The following MAP3K20 variants were observed in gnomAD, a reference collection of about 807,000 sequenced individuals.
MAP3K20 encodes the protein HCCS-4.
Under a neutral mutation model 85.7 loss-of-function variants are expected in MAP3K20, and 40 were observed. The ratio of observed to expected loss-of-function variants is 0.47; its 90% confidence interval spans 0.36 to 0.61. MAP3K20 has a LOEUF of 0.61. MAP3K20 is among the 20% of genes least tolerant of loss of function. The probability of loss-of-function intolerance (pLI) is 0.00; values close to 1 mark genes in which losing one functional copy is unlikely to be tolerated. For synonymous variants in MAP3K20, 325 were observed against 327.7 expected, an observed-to-expected ratio of 0.99 and a Z score of 0.09; for missense variants, 817 against 961.7, an observed-to-expected ratio of 0.85 and a Z score of 1.99.
At chr2:173,121,577 C>T (rs12615166) in intron 2 of MAP3K20, among the ~76,000 whole-genome samples, 38,713 of 151,680 alleles carry the variant, frequency 0.26, 6,093 homozygotes, top group Non-Finnish European at 0.35. Context: ...TTAGTAGAGA[C>T]GGGGTTTCAC....
intron 2 of MAP3K20, among the ~76,000 whole-genome samples, chr2:173,131,398 G>A (rs1243940978): frequency 6.6e-6 from 1 of 152,206 alleles, no homozygotes; most frequent in African/African-American, 2.4e-5. Context: ...GATAGGGAAA[G>A]AGTTGCTTAG....
chr2:173,188,491 A>G (rs3754741), intron 5 of MAP3K20, among the ~76,000 whole-genome samples: 46,844 of 152,068 alleles, frequency 0.31, 9,019 homozygotes, highest in Non-Finnish European at 0.43. Context: ...AGTATATGCT[A>G]ATAGTGTGAT....
chr2:173,118,266 C>G (rs1221943205), intron 2 of MAP3K20, among the ~76,000 whole-genome samples: 3 of 152,092 alleles, frequency 2.0e-5, no homozygotes, highest in Non-Finnish European at 4.4e-5. Flanking sequence ...ATAGATGTGT[C>G]AGAAAGAATG....
At chr2:173,236,205 C>A (rs1347858725) in intron 14 of MAP3K20, among the ~76,000 whole-genome samples, 2 of 139,316 alleles carry the variant, frequency 1.4e-5, no homozygotes, top group Non-Finnish European at 3.0e-5. Flanking sequence ...GAGGTTGAGG[C>A]TGCCATGAAC....
Position 173,154,474 on chromosome 2 carries a change from G to A in MAP3K20, c.160-15331G>A, listed in dbSNP as rs142338792. Among the ~76,000 whole-genome samples, 1,049 of 152,206 alleles carry A rather than the reference G, an allele frequency of 6.9e-3. 24 individuals are homozygous for A. The highest frequency in any genetic ancestry group is 0.045 in the Admixed American group (692 of 15,288). On this transcript the variant is annotated intron_variant, in intron 2 of 19. Coordinates refer to ENST00000375213, the MANE Select transcript of MAP3K20 (RefSeq NM_016653.3). ...GCTGGTATTATAGGCATGAGCCACC[G>A]TGCCCAGCCTAATCCATTCTTCATG... is the stretch of plus-strand genomic sequence containing the variant.
At chr2:173,230,864 C>A (rs1684507266) in intron 12 of MAP3K20, among the ~76,000 whole-genome samples, 1 of 152,004 alleles carries the variant, frequency 6.6e-6, no homozygotes. Context: ...GGTGTGGTGG[C>A]ACATGCCTAT....
At chr2:173,128,477 C>T (rs1287739561) in intron 2 of MAP3K20, among the ~76,000 whole-genome samples, 3 of 151,638 alleles carry the variant, frequency 2.0e-5, no homozygotes, top group Admixed American at 6.6e-5. Flanking sequence ...GGACTACAGG[C>T]GCGCACCACC....
chr2:173,201,835 A>C (rs1691073472), intron 8 of MAP3K20, among the ~76,000 whole-genome samples: 1 of 152,170 alleles, frequency 6.6e-6, no homozygotes, highest in Non-Finnish European at 1.5e-5. Context: ...CTGAGTCTAG[A>C]TTTAACTGAT....
In MAP3K20 at chr2:173,077,301, A is replaced by G. The variant is rs116722441; in HGVS notation, c.-35+1299A>G. Reference sequence around the variant, plus strand: ...ACACGTTTAAAGACAAAAATAAACAAGTGATTCAAGGCTAGTTAATGTCCT... The same window carrying G: ...ACACGTTTAAAGACAAAAATAAACAGGTGATTCAAGGCTAGTTAATGTCCT... On this transcript the variant is annotated intron_variant, in intron 1 of 19. Coordinates refer to ENST00000375213, the MANE Select transcript of MAP3K20 (RefSeq NM_016653.3). 7.3e-3 allele frequency among the ~76,000 whole-genome samples: 1,109 copies of G among 151,440 alleles called. 7 individuals carry two copies. Among genetic ancestry groups the G allele is most frequent in the Non-Finnish European group, 0.01 (712 of 67,914 alleles).
chr2:173,246,435 T>C (rs1574153852), intron 16 of MAP3K20, among the ~76,000 whole-genome samples: 1 of 152,232 alleles, frequency 6.6e-6, no homozygotes, highest in South Asian at 2.1e-4. Context: ...GGCGACTTCA[T>C]GCGCTCCCCA....
intron 14 of MAP3K20, among the ~76,000 whole-genome samples, chr2:173,236,679 C>T (rs1362576680): frequency 1.3e-5 from 2 of 152,156 alleles, no homozygotes; most frequent in African/African-American, 4.8e-5. Context: ...GACCACTAAA[C>T]TCAGCCAGAG....
rs1318149280 is a variant in MAP3K20 at position 173,198,469 on chromosome 2, T to C, written c.669+357T>C. ...CCTGCGTTTAGGACATCTTTTTTAC[T>C]GGCCGGGAGTTGATATATCTGTAAG... is the stretch of plus-strand genomic sequence containing the variant. On this transcript the variant is annotated intron_variant, in intron 8 of 19. Transcript: ENST00000375213. This position sits in a 1 kb window ranked among gnomAD's most constrained non-coding sequence, Gnocchi z 5.8. 2 of 157,264 alleles carry C rather than the reference T, an allele frequency of 1.3e-5. No individual in the cohort carries two copies. The highest frequency in any genetic ancestry group is 2.8e-5 in the Non-Finnish European group (2 of 71,638). The allele number at this position is 157,264 out of a possible 1,614,324, so 9.7% of individuals were successfully genotyped here. A position where few individuals can be genotyped will look rare whatever the true frequency, so the allele number is the denominator to read the frequency against.
chr2:173,106,835 C>G (rs1027728011), intron 2 of MAP3K20, among the ~76,000 whole-genome samples: 4 of 152,128 alleles, frequency 2.6e-5, no homozygotes, highest in African/African-American at 4.8e-5. Flanking sequence ...GCTGGAAATA[C>G]AGGAATTGGT....
At chr2:173,223,490 C>A (rs892656375) in intron 11 of MAP3K20, 8 of 985,282 alleles carry the variant, frequency 8.1e-6, no homozygotes, top group Non-Finnish European at 9.6e-6. Flanking sequence ...TAAGTGATTT[C>A]AGTAACCTTC....
At chr2:173,186,047 G>A (rs556981030) in intron 4 of MAP3K20, among the ~76,000 whole-genome samples, 3 of 152,238 alleles carry the variant, frequency 2.0e-5, no homozygotes, top group African/African-American at 7.2e-5. Flanking sequence ...GATGACTATT[G>A]TTTATATGAA....
intron 1 of MAP3K20, among the ~76,000 whole-genome samples, chr2:173,087,774 A>C (rs1412063764): frequency 1.3e-5 from 2 of 152,246 alleles, no homozygotes; most frequent in African/African-American, 4.8e-5. Context: ...CCAGGCTACC[A>C]ATCAAGACAT....
intron 2 of MAP3K20, among the ~76,000 whole-genome samples, chr2:173,150,719 C>T (rs899064587): frequency 6.6e-6 from 1 of 152,150 alleles, no homozygotes; most frequent in African/African-American, 2.4e-5. Flanking sequence ...GCACACACCA[C>T]CATACCTGGC....
chr2:173,117,427 C>T (rs1044261084), intron 2 of MAP3K20, among the ~76,000 whole-genome samples: 1 of 152,036 alleles, frequency 6.6e-6, no homozygotes, highest in Non-Finnish European at 1.5e-5. Flanking sequence ...CACAAATGTG[C>T]ACCATCACGC....
At chr2:173,216,118 T>C (rs1408500222) in intron 10 of MAP3K20, among the ~76,000 whole-genome samples, 1 of 152,214 alleles carries the variant, frequency 6.6e-6, no homozygotes, top group East Asian at 1.9e-4. Flanking sequence ...TTAAAGGCTT[T>C]TCAGAAACTC....
Sources: allele counts gnomAD v4.1 joint callset (sites outside exome capture counted in the v4.1 genomes callset), GRCh38; gene constraint gnomAD v4.1.1; non-coding constraint Gnocchi (gnomAD v3.1); transcripts MANE v1.5; gene names NCBI Gene and HGNC (gene_info 2026-07-23, HGNC 2026-07-21).